Variants in CNTN5 observed in about 807,000 individuals in gnomAD.
The protein encoded by CNTN5 is contactin 5.
Under a neutral mutation model 129.1 loss-of-function variants are expected in CNTN5, and 77 were observed. That is an observed-to-expected ratio of 0.60 (90% CI 0.50 to 0.72). The LOEUF (loss-of-function observed/expected upper bound fraction) is 0.72. CNTN5 is among the 30% of genes least tolerant of loss of function. The pLI is 0.00. For missense variants in CNTN5, 1,478 were observed against 1,328.8 expected (o/e 1.11, Z -1.75); for synonymous variants, 509 against 465.6 (o/e 1.09, Z -1.20).
chr11:100,313,225 G>T (rs2138936807), intron 21 of CNTN5, among the ~76,000 whole-genome samples: 1 of 152,036 alleles, frequency 6.6e-6, no homozygotes, highest in Middle Eastern at 3.4e-3. Flanking sequence ...GAATGAAAGG[G>T]AGAGGAAAGA....
At chr11:100,219,686 C>G (rs1289562359) in intron 15 of CNTN5, among the ~76,000 whole-genome samples, 1 of 152,196 alleles carries the variant, frequency 6.6e-6, no homozygotes, top group African/African-American at 2.4e-5. Flanking sequence ...TGGGATGTTA[C>G]AGCCCTATTT....
intron 3 of CNTN5, among the ~76,000 whole-genome samples, chr11:99,723,491 A>G (rs1054004694): frequency 6.6e-6 from 1 of 152,150 alleles, no homozygotes; most frequent in African/African-American, 2.4e-5. Context: ...TTTCCCTGAT[A>G]AAATAGAAAC....
intron 3 of CNTN5, among the ~76,000 whole-genome samples, chr11:99,725,704 T>C (rs1205679192): frequency 6.6e-6 from 1 of 152,236 alleles, no homozygotes; most frequent in African/African-American, 2.4e-5. Flanking sequence ...AACAGATTCC[T>C]GTAGTGTATC....
chr11:100,277,734 G>A (rs951131713), intron 18 of CNTN5, among the ~76,000 whole-genome samples: 7 of 151,882 alleles, frequency 4.6e-5, no homozygotes, highest in South Asian at 2.1e-4. Context: ...TGGCAGACAG[G>A]TAGTTTGCAA....
At chr11:100,346,313 A>C (rs1372746829) in intron 23 of CNTN5, among the ~76,000 whole-genome samples, 1 of 152,186 alleles carries the variant, frequency 6.6e-6, no homozygotes, top group Admixed American at 6.6e-5. Context: ...TATTGACTAA[A>C]GTATATTCAG....
At chr11:100,083,028 TAAG>T (rs1237676807) in intron 13 of CNTN5, among the ~76,000 whole-genome samples, 3 of 151,728 alleles carry the variant, frequency 2.0e-5, no homozygotes, top group African/African-American at 7.3e-5. Flanking sequence ...GCAAAAGAGA[TAAG>T]AAGGCTGGGT....
Position 99,303,936 on chromosome 11 carries a change from G to A in CNTN5, c.-209-21410G>A, listed in dbSNP as rs138283373. 7.6e-4 allele frequency among the ~76,000 whole-genome samples: 116 copies of A among 152,174 alleles called. 1 individual carries two copies. Among genetic ancestry groups the A allele is most frequent in the African/African-American group, 2.7e-3 (112 of 41,514 alleles). ...CATATTTGTGGAGGCCTAAAAAATG[G>A]TTTGAATAATCTCCTCAGCATGGCC... is the stretch of plus-strand genomic sequence containing the variant. On this transcript the variant is annotated intron_variant, in intron 1 of 24. Transcript: ENST00000524871.
At chr11:99,076,729 A>G (rs1240206993) in intron 1 of CNTN5, among the ~76,000 whole-genome samples, 2 of 152,190 alleles carry the variant, frequency 1.3e-5, no homozygotes, top group African/African-American at 4.8e-5. Context: ...GATATTTTCC[A>G]CAAAAGATAC....
chr11:99,701,426 A>G lies in CNTN5; in HGVS notation c.56-118118A>G, dbSNP rs1161711063. ...ATACAAGCTGGTCTTGTAGAATATGAAGAGAAGAGTTCATTAGTTTTGGGA... is the reference window on the plus strand; with the variant it reads ...ATACAAGCTGGTCTTGTAGAATATGGAGAGAAGAGTTCATTAGTTTTGGGA... On this transcript the variant is annotated intron_variant, in intron 3 of 24. Coordinates refer to ENST00000524871, the MANE Select transcript of CNTN5 (RefSeq NM_014361.4). Among the ~76,000 whole-genome samples the G allele has an allele frequency of 2.6e-5, 4 of 151,358 alleles. No individual in the cohort carries two copies. The East Asian group carries it at 5.8e-4, about 22-fold the overall frequency.
At chr11:99,619,797 C>A (rs1315476131) in intron 3 of CNTN5, among the ~76,000 whole-genome samples, 6 of 151,776 alleles carry the variant, frequency 4.0e-5, no homozygotes, top group African/African-American at 1.2e-4. Flanking sequence ...GAGGCCGAGG[C>A]GGGCGGATCA....
At chr11:99,571,366 A>G (rs1292437655) in intron 3 of CNTN5, among the ~76,000 whole-genome samples, 1 of 152,172 alleles carries the variant, frequency 6.6e-6, no homozygotes, top group African/African-American at 2.4e-5. Flanking sequence ...TTAGATCTGT[A>G]TTGCTGTCAT....
At chr11:99,191,939 G>A (rs570832212) in intron 1 of CNTN5, among the ~76,000 whole-genome samples, 5 of 151,156 alleles carry the variant, frequency 3.3e-5, no homozygotes, top group African/African-American at 1.2e-4. Context: ...TTAGATGAAG[G>A]AAAAAATAAT....
chr11:99,402,126 T>A (rs1941844108), intron 2 of CNTN5, among the ~76,000 whole-genome samples: 2 of 152,160 alleles, frequency 1.3e-5, no homozygotes, highest in Admixed American at 1.3e-4. Context: ...GTGATCATAG[T>A]GAGGATTGTT....
chr11:100,268,965 A>G (rs1416626628), intron 17 of CNTN5, among the ~76,000 whole-genome samples: 1 of 152,178 alleles, frequency 6.6e-6, no homozygotes, highest in Non-Finnish European at 1.5e-5. Flanking sequence ...AATCTAGGGA[A>G]GAGGTTCATT....
In CNTN5 at chr11:100,350,730, A is replaced by G. The variant is rs1377571143; in HGVS notation, c.3059A>G (p.Asn1020Ser). The change falls in exon 24 of 25, where the codon AAC (asparagine) becomes AGC (serine). Residue 1020 changes from asparagine (N) to serine (S), a missense_variant. Coordinates refer to ENST00000524871, the MANE Select transcript of CNTN5 (RefSeq NM_014361.4). The part of the protein sequence containing the change: ...KVFYRQEGHS[N>S]SQVIETQKLQ... ...TTTTATAGGCAAGAGGGTCACAGCA[A>G]CAGCCAAGTTATTGAAACACAGAAA... 9.3e-6 allele frequency: 15 copies of G among 1,608,566 alleles called. No homozygotes were observed. The highest frequency in any genetic ancestry group is 1.2e-5 in the Non-Finnish European group (14 of 1,176,614).
intron 3 of CNTN5, among the ~76,000 whole-genome samples, chr11:99,732,784 A>G (rs1349400416): frequency 2.0e-5 from 3 of 152,202 alleles, no homozygotes; most frequent in Admixed American, 6.5e-5. Flanking sequence ...ATAGAGGAAG[A>G]TTAACTGACA....
At chr11:99,789,644 A>G (rs1266994977) in intron 3 of CNTN5, among the ~76,000 whole-genome samples, 2 of 151,970 alleles carry the variant, frequency 1.3e-5, no homozygotes, top group Non-Finnish European at 2.9e-5. Flanking sequence ...GTATTTTAGA[A>G]TATGTTCTTT....
chr11:99,041,314 C>T (rs1287153926), intron 1 of CNTN5, among the ~76,000 whole-genome samples: 1 of 152,118 alleles, frequency 6.6e-6, no homozygotes, highest in Non-Finnish European at 1.5e-5. Context: ...TATCTTCAGT[C>T]TCTCCATTTC....
At chr11:99,287,977 C>T (rs1369580621) in intron 1 of CNTN5, among the ~76,000 whole-genome samples, 1 of 151,864 alleles carries the variant, frequency 6.6e-6, no homozygotes, top group Non-Finnish European at 1.5e-5. Flanking sequence ...CGTTTAATTC[C>T]ACATTCTCAA....
Sources: gnomAD v4.1 joint callset for allele counts (sites outside exome capture counted in the v4.1 genomes callset) on GRCh38, gnomAD v4.1.1 for gene constraint, MANE v1.5 for transcripts, NCBI Gene and HGNC (gene_info 2026-07-23, HGNC 2026-07-21) for gene names.